BNC2: variants seen among roughly 807,000 people sequenced by gnomAD.
BNC2 encodes the protein basonuclin zinc finger protein 2.
Under a neutral mutation model 76.3 loss-of-function variants are expected in BNC2, and 20 were observed. That is an observed-to-expected ratio of 0.26 (90% CI 0.18 to 0.38). The LOEUF is 0.38. Among genes scored for constraint, BNC2 ranks in the 10% least tolerant of loss-of-function variants. BNC2 has a pLI of 1.00. For synonymous variants in BNC2, 582 were observed against 514.8 expected, an observed-to-expected ratio of 1.13 and a Z score of -1.77; for missense variants, 1,382 against 1,399.8, an observed-to-expected ratio of 0.99 and a Z score of 0.20.
rs111521110 is a variant in BNC2 at position 16,802,897 on chromosome 9, G to A, written c.4-64412C>T. ...CACTAACTTTGGGGAATAAAGACAC[G>A]CAACTTTGTACTACTTGGCAAACTT... On this transcript the variant is annotated intron_variant, in intron 1 of 6. Coordinates refer to ENST00000380672, the MANE Select transcript of BNC2 (RefSeq NM_017637.6). 9.8e-4 allele frequency among the ~76,000 whole-genome samples: 149 copies of A among 152,270 alleles called. 3 individuals carry two copies. Among genetic ancestry groups the A allele is most frequent in the African/African-American group, 3.5e-3 (145 of 41,570 alleles).
chr9:16,493,986 C>T (rs1822332636), intron 5 of BNC2, among the ~76,000 whole-genome samples: 1 of 152,072 alleles, frequency 6.6e-6, no homozygotes. Context: ...TTCAGTCCTC[C>T]ACTCAACTAA....
At chr9:16,663,700 A>G (rs1043981750) in intron 3 of BNC2, among the ~76,000 whole-genome samples, 1 of 152,218 alleles carries the variant, frequency 6.6e-6, no homozygotes, top group African/African-American at 2.4e-5. Flanking sequence ...AATGTCCAAT[A>G]GCGTCAATTC....
intron 3 of BNC2, among the ~76,000 whole-genome samples, chr9:16,699,577 T>A (rs1823447117): frequency 6.6e-6 from 1 of 152,358 alleles, no homozygotes; most frequent in Middle Eastern, 3.4e-3. Flanking sequence ...ACTGTGGCAC[T>A]GTTGATAAAC....
At chr9:16,755,397 A>G (rs1351960822) in intron 1 of BNC2, among the ~76,000 whole-genome samples, 1 of 152,126 alleles carries the variant, frequency 6.6e-6, no homozygotes. Context: ...CTAGATTACA[A>G]GAGTAGGTGA....
intron 3 of BNC2, among the ~76,000 whole-genome samples, chr9:16,614,257 T>C (rs746214858): frequency 6.6e-6 from 1 of 151,982 alleles, no homozygotes; most frequent in African/African-American, 2.4e-5. Flanking sequence ...GGCCAAAACT[T>C]AGAAATCTTT....
chr9:16,864,641 TC>T (rs1819496487), intron 1 of BNC2, among the ~76,000 whole-genome samples: 1 of 152,162 alleles, frequency 6.6e-6, no homozygotes, highest in South Asian at 2.1e-4. Context: ...TGTGCATTTA[TC>T]CCTGGGATGC....
At chr9:16,690,352 C>G (rs569548148) in intron 3 of BNC2, among the ~76,000 whole-genome samples, 12 of 152,180 alleles carry the variant, frequency 7.9e-5, no homozygotes, top group African/African-American at 2.9e-4. Flanking sequence ...GTGACATGTG[C>G]CTGTAATCCT....
At chr9:16,496,059 C>T (rs772324519) in intron 5 of BNC2, among the ~76,000 whole-genome samples, 13 of 151,914 alleles carry the variant, frequency 8.6e-5, no homozygotes, top group Admixed American at 2.6e-4. Context: ...CAGGTGCCCA[C>T]CACCATGCCC....
At chr9:16,455,996 G>GA (rs1821440047) in intron 5 of BNC2, among the ~76,000 whole-genome samples, 1 of 152,094 alleles carries the variant, frequency 6.6e-6, no homozygotes, top group African/African-American at 2.4e-5. Context: ...ACAGTGCAAT[G>GA]AAAGAGCTCA....
At chr9:16,483,469 G>A (rs533590474) in intron 5 of BNC2, among the ~76,000 whole-genome samples, 2 of 152,142 alleles carry the variant, frequency 1.3e-5, no homozygotes, top group South Asian at 2.1e-4. Flanking sequence ...ACCATGTCCA[G>A]GTTTCCCAAA....
At chr9:16,822,092 C>CA (rs531393812) in intron 1 of BNC2, among the ~76,000 whole-genome samples, 6,238 of 31,214 alleles carry the variant, frequency 0.2, 584 homozygotes, top group African/African-American at 0.23. Context: ...GACTCCATCT[C>CA]AAAAAAAAAA....
chr9:16,752,843 G>A (rs1314014953), intron 1 of BNC2, among the ~76,000 whole-genome samples: 1 of 152,178 alleles, frequency 6.6e-6, no homozygotes, highest in African/African-American at 2.4e-5. Context: ...TTATTAGCCA[G>A]TAAGTTTTGA....
At chr9:16,818,367 G>A (rs560330627) in intron 1 of BNC2, among the ~76,000 whole-genome samples, 132 of 152,284 alleles carry the variant, frequency 8.7e-4, no homozygotes, top group Middle Eastern at 3.4e-3. Flanking sequence ...TGGCGCCACT[G>A]CACTCCAGCC....
At chr9:16,569,811 T>C (rs1819270147) in intron 4 of BNC2, among the ~76,000 whole-genome samples, 1 of 152,218 alleles carries the variant, frequency 6.6e-6, no homozygotes, top group African/African-American at 2.4e-5. Flanking sequence ...CTGAATCTAC[T>C]TGCTGAAACC....
chr9:16,436,393 T>C lies in BNC2; in HGVS notation c.1801A>G (p.Ile601Val), dbSNP rs148257304. The change falls in exon 6 of 7, where the codon ATA (isoleucine) becomes GTA (valine). Residue 601 changes from isoleucine (I) to valine (V), a missense_variant. This residue lies in a region of BNC2 where 798 missense variants were observed against 775.5 expected (regional missense o/e 1.03). Transcript: ENST00000380672. ...TSPIIPTSGT[I>V]EQHPPPPSEP... ...GAGGGTGGCGGGGGGTGCTGCTCTA[T>C]GGTACCACTGGTTGGAATGATGGGA... The C allele has an allele frequency of 3.7e-4, 601 of 1,614,120 alleles. 2 individuals carry two copies. The African/African-American group carries it at 6.8e-3, about 18-fold the overall frequency.
Position 16,825,126 on chromosome 9 carries a change from G to A in BNC2, c.3+45520C>T, listed in dbSNP as rs181459072. Among the ~76,000 whole-genome samples, 7 of 151,342 alleles carry A rather than the reference G, an allele frequency of 4.6e-5. No homozygotes were observed. The East Asian group carries it at 1.2e-3, about 25-fold the overall frequency. ...AGTTTACTTTATACTAAAAATTCTCGTTAATTTACTCAGCCGAATGAGGAG... is the reference window on the plus strand; with the variant it reads ...AGTTTACTTTATACTAAAAATTCTCATTAATTTACTCAGCCGAATGAGGAG... On this transcript the variant is annotated intron_variant, in intron 1 of 6. Transcript: ENST00000380672.
intron 5 of BNC2, among the ~76,000 whole-genome samples, chr9:16,506,697 T>C (rs1191671947): frequency 6.6e-6 from 1 of 151,372 alleles, no homozygotes; most frequent in Non-Finnish European, 1.5e-5. Flanking sequence ...AGCTAATTTT[T>C]GTATTTTTAG....
intron 5 of BNC2, among the ~76,000 whole-genome samples, chr9:16,534,656 C>T (rs1016666714): frequency 1.3e-5 from 2 of 152,068 alleles, no homozygotes; most frequent in Non-Finnish European, 1.5e-5. Flanking sequence ...AATGATTCTC[C>T]ACCCATCTAT....
intron 1 of BNC2, among the ~76,000 whole-genome samples, chr9:16,835,533 T>C (rs1461087819): frequency 6.6e-6 from 1 of 151,664 alleles, no homozygotes; most frequent in East Asian, 1.9e-4. Context: ...ACCCTGTCCC[T>C]ACTAAAAATA....
Sources: allele counts gnomAD v4.1 joint callset (sites outside exome capture counted in the v4.1 genomes callset), GRCh38; gene constraint gnomAD v4.1.1; regional missense constraint gnomAD v4.1.1; transcripts MANE v1.5; gene names NCBI Gene and HGNC (gene_info 2026-07-23, HGNC 2026-07-21).